WDR20: variants seen among roughly 807,000 people sequenced by gnomAD.
WDR20 encodes the protein WD repeat domain 20.
Under a neutral mutation model 38.7 loss-of-function variants are expected in WDR20, and 3 were observed. The observed-to-expected ratio is 0.08, with a 90% CI of 0.04 to 0.20. The LOEUF (loss-of-function observed/expected upper bound fraction) is 0.20. Among genes scored for constraint, WDR20 ranks in the 10% least tolerant of loss-of-function variants. WDR20 has a pLI of 1.00. For missense variants in WDR20, 559 were observed against 727.7 expected (o/e 0.77, Z 2.67); for synonymous variants, 298 against 285.6 (o/e 1.04, Z -0.44).
At chr14:102,191,625 A>AT (rs1566982018) in intron 1 of WDR20, among the ~76,000 whole-genome samples, 1 of 151,920 alleles carries the variant, frequency 6.6e-6, no homozygotes, top group East Asian at 1.9e-4. Context: ...CAGAAATACA[A>AT]TTTTTTTTAT....
rs145642027 is a variant in WDR20, at chr14:102,188,357, C to T, written c.250-6581C>T. Among the ~76,000 whole-genome samples the T allele has an allele frequency of 1.5e-3, 232 of 152,266 alleles. 2 individuals carry two copies. The highest frequency in any genetic ancestry group is 5.1e-3 in the African/African-American group (214 of 41,560). The stretch of plus-strand genomic sequence containing the variant: ...TTGCCTTTGGTGGAATAGCCCCTCT[C>T]GGGTTCAAGTCCTTCCTCCACATTT... On this transcript the variant is annotated intron_variant, in intron 1 of 2. Coordinates refer to ENST00000342702, the MANE Select transcript of WDR20 (RefSeq NM_144574.4).
chr14:102,140,269 C>A (rs1438021906), intron 1 of WDR20, 97 bp downstream of exon 1: 2 of 1,536,030 alleles, frequency 1.3e-6, no homozygotes, highest in Admixed American at 2.0e-5. Context: ...GAGGGGTGGC[C>A]GTCGCTCTTA....
At position 102,153,408 on chromosome 14, in the gene WDR20, G is replaced by A. The variant is rs1024065077; in HGVS notation, c.249+13236G>A. ...TGCAAGCTCCGCCTCCTGGGTTCAC[G>A]CCATTCTCCTGCCTCAGCCTCTGGA... On this transcript the variant is annotated intron_variant, in intron 1 of 2. Coordinates refer to ENST00000342702, the MANE Select transcript of WDR20 (RefSeq NM_144574.4). 6.1e-5 allele frequency among the ~76,000 whole-genome samples: 9 copies of A among 148,754 alleles called. No homozygotes were observed. In the East Asian group the frequency reaches 9.9e-4, roughly 16 times the overall value.
At chr14:102,185,972 A>G (rs919194857) in intron 1 of WDR20, among the ~76,000 whole-genome samples, 6 of 152,070 alleles carry the variant, frequency 3.9e-5, no homozygotes, top group African/African-American at 1.4e-4. Flanking sequence ...CAGGCCCTCT[A>G]TTAGATGTTG....
At chr14:102,185,402 C>G (rs897859194) in intron 1 of WDR20, among the ~76,000 whole-genome samples, 1 of 152,028 alleles carries the variant, frequency 6.6e-6, no homozygotes, top group Non-Finnish European at 1.5e-5. Flanking sequence ...TTCAAGAAGC[C>G]TAGGAACATG....
chr14:102,186,572 G>C (rs1350801548), intron 1 of WDR20, among the ~76,000 whole-genome samples: 1 of 151,968 alleles, frequency 6.6e-6, no homozygotes, highest in East Asian at 1.9e-4. Context: ...AGGGTGACAA[G>C]CAGATGTGGT....
At chr14:102,170,892 A>T (rs900433093) in intron 1 of WDR20, among the ~76,000 whole-genome samples, 1 of 152,070 alleles carries the variant, frequency 6.6e-6, no homozygotes, top group Admixed American at 6.6e-5. Flanking sequence ...TTTTTCCTAC[A>T]TAGAAATTTG....
downstream of WDR20, chr14:102,214,415 GCAA>G (rs1332828701): frequency 3.3e-5 from 33 of 985,452 alleles, no homozygotes; most frequent in Middle Eastern, 5.2e-4. Flanking sequence ...GCACTCGTAT[GCAA>G]CTGTTACCTT....
At chr14:102,165,097 C>T (rs1050715696) in intron 1 of WDR20, among the ~76,000 whole-genome samples, 3 of 152,150 alleles carry the variant, frequency 2.0e-5, no homozygotes, top group African/African-American at 7.2e-5. Context: ...CTTTTGCTTT[C>T]TGGACCACCT....
At position 102,222,823 on chromosome 14, in the gene WDR20, T is replaced by C; in HGVS notation, c.1693-7T>C. On this transcript the variant is annotated splice_region_variant and splice_polypyrimidine_tract_variant and intron_variant, in intron 3 of 3. Coordinates refer to the WDR20 transcript ENST00000335263. This position sits in a 1 kb window ranked among gnomAD's most constrained non-coding sequence, Gnocchi z 4.4. ...TGCTGGATTAATGTAGACTGCTTTG[T>C]TTGCAGGGCTCATTGTCATCCCCAA... is the stretch of plus-strand genomic sequence containing the variant. 1.2e-6 allele frequency: 2 copies of C among 1,614,196 alleles called. No individual in the cohort carries two copies. The highest frequency in any genetic ancestry group is 1.7e-6 in the Non-Finnish European group (2 of 1,180,008).
chr14:102,172,470 C>A (rs1276139387), intron 1 of WDR20, among the ~76,000 whole-genome samples: 1 of 151,408 alleles, frequency 6.6e-6, no homozygotes, highest in East Asian at 1.9e-4. Context: ...CTCCTCACTT[C>A]CCAGTAGGGG....
downstream of WDR20, chr14:102,215,072 A>G: frequency 1.2e-6 from 1 of 856,016 alleles, no homozygotes. Flanking sequence ...CAAAACCAGA[A>G]AAGTTTTTAA....
In WDR20 at chr14:102,205,181, G is replaced by A. The variant is rs1004012; in HGVS notation, c.433-3422G>A. Among the ~76,000 whole-genome samples, 840 of 152,056 alleles carry A rather than the reference G, an allele frequency of 5.5e-3. 17 individuals carry two copies. The highest frequency in any genetic ancestry group is 0.033 in the East Asian group (169 of 5,166). On this transcript the variant is annotated intron_variant, in intron 2 of 2. Transcript: ENST00000342702. ...GAGGCTGAGGTGGGAGGATTGCTTC[G>A]GCCTGGGAGGTCAAGGCTGCAGTGA...
chr14:102,193,648 T>C (rs2058922932), intron 1 of WDR20: 2 of 726,210 alleles, frequency 2.8e-6, no homozygotes, highest in African/African-American at 1.8e-5. Flanking sequence ...ACGCCTGTAA[T>C]TTTGAGGTCC....
In WDR20 at chr14:102,210,154, G is replaced by C. The variant is rs2062265655; in HGVS notation, c.*274G>C. The stretch of plus-strand genomic sequence containing the variant: ...TCCCAAGGTTAGCGCTCCTGTATTA[G>C]ACTATTTCAATTTTAGGAAAATCAT... On this transcript the variant is annotated 3_prime_UTR_variant, in exon 3 of 3. Coordinates refer to ENST00000342702, the MANE Select transcript of WDR20 (RefSeq NM_144574.4). The C allele has an allele frequency of 8.9e-7, 1 of 1,121,632 alleles. No homozygotes were observed. The highest frequency in any genetic ancestry group is 1.1e-6 in the Non-Finnish European group (1 of 917,344). 69.5% of individuals were successfully genotyped at this position (1,121,632 alleles called of 1,614,324 possible). A position where few individuals can be genotyped will look rare whatever the true frequency, so the allele number is the denominator to read the frequency against.
chr14:102,143,939 G>A (rs2052522809), intron 1 of WDR20, among the ~76,000 whole-genome samples: 2 of 151,898 alleles, frequency 1.3e-5, no homozygotes, highest in South Asian at 4.1e-4. Context: ...CACTTTGGGA[G>A]ACTGAGGTGG....
chr14:102,152,862 C>A (rs933899185), intron 1 of WDR20, among the ~76,000 whole-genome samples: 2 of 152,114 alleles, frequency 1.3e-5, no homozygotes, highest in African/African-American at 4.8e-5. Context: ...GGGTTTGAAT[C>A]CAGTTCTGTT....
chr14:102,210,599 G>A (rs183849286), downstream of WDR20: 52 of 965,076 alleles, frequency 5.4e-5, no homozygotes, highest in East Asian at 1.6e-3. Context: ...CTGACAGTTC[G>A]TGGGAACTGC....
upstream of WDR20, chr14:102,139,499 C>CA: frequency 6.8e-6 from 9 of 1,332,390 alleles, no homozygotes; most frequent in Non-Finnish European, 9.0e-6. Context: ...CGGCGCCCCT[C>CA]AGGGCAGGGC....
Sources: allele counts gnomAD v4.1 joint callset (sites outside exome capture counted in the v4.1 genomes callset), GRCh38; gene constraint gnomAD v4.1.1; non-coding constraint Gnocchi (gnomAD v3.1); transcripts MANE v1.5; gene names NCBI Gene and HGNC (gene_info 2026-07-23, HGNC 2026-07-21).